DOCK9: variants seen among roughly 807,000 people sequenced by gnomAD.
The protein encoded by DOCK9 is dedicator of cytokinesis protein 9.
Under a neutral mutation model 263.3 loss-of-function variants are expected in DOCK9, and 89 were observed. That is an observed-to-expected ratio of 0.34 (90% CI 0.28 to 0.40). The LOEUF (loss-of-function observed/expected upper bound fraction) is 0.40. Among genes scored for constraint, DOCK9 ranks in the 10% least tolerant of loss-of-function variants. The probability of loss-of-function intolerance (pLI) is 1.00; values close to 1 mark genes in which losing one functional copy is unlikely to be tolerated. For synonymous variants in DOCK9, 976 were observed against 973.1 expected (o/e 1.00, Z -0.06); for missense variants, 2,140 against 2,603.4 (o/e 0.82, Z 3.87).
At chr13:98,996,342 T>A (rs1881027454) in intron 1 of DOCK9, among the ~76,000 whole-genome samples, 1 of 152,220 alleles carries the variant, frequency 6.6e-6, no homozygotes. Flanking sequence ...CACACATCTT[T>A]TTCCAGATCC....
intron 39 of DOCK9, chr13:98,833,157 ATTCTCAACCATGAGAATTAG>A (rs1349848488): frequency 3.7e-4 from 56 of 150,466 alleles, no homozygotes; most frequent in African/African-American, 1.2e-3. Context: ...ATATGATCTA[ATTCTCAACCATGAGAATTAG>A]TTCTCAACCA....
At chr13:98,850,403 TAAATA>T (rs1167860501) in intron 35 of DOCK9, among the ~76,000 whole-genome samples, 3 of 152,238 alleles carry the variant, frequency 2.0e-5, no homozygotes, top group African/African-American at 7.2e-5. Context: ...AACATGCTCT[TAAATA>T]GACTAGAAAA....
chr13:98,902,759 T>C (rs1048841319), intron 11 of DOCK9, among the ~76,000 whole-genome samples: 1 of 152,244 alleles, frequency 6.6e-6, no homozygotes, highest in Admixed American at 6.5e-5. Context: ...AGATGAACTC[T>C]GTCTCCTGGA....
At chr13:98,866,640 T>A (rs1255030275) in intron 30 of DOCK9, among the ~76,000 whole-genome samples, 1 of 152,178 alleles carries the variant, frequency 6.6e-6, no homozygotes, top group Non-Finnish European at 1.5e-5. Flanking sequence ...AGCTCAACTC[T>A]CTTCAAACGT....
intron 41 of DOCK9, among the ~76,000 whole-genome samples, chr13:98,830,116 T>C (rs1255157284): frequency 6.6e-6 from 1 of 152,208 alleles, no homozygotes; most frequent in Non-Finnish European, 1.5e-5. Context: ...AGTTTGAACT[T>C]AAATGTATTA....
rs147447119 is a variant in DOCK9, at chr13:98,801,861, G to A, written c.5726-1383C>T. 3.0e-3 allele frequency among the ~76,000 whole-genome samples: 459 copies of A among 152,282 alleles called. 5 individuals are homozygous for A. Among genetic ancestry groups the A allele is most frequent in the African/African-American group, 0.011 (438 of 41,562 alleles). On this transcript the variant is annotated intron_variant, in intron 49 of 52. Coordinates refer to ENST00000682017, the MANE Select transcript of DOCK9 (RefSeq NM_001366683.2). Reference sequence around the variant, plus strand: ...GGCCACCCAACATCTGGACAAAAGCGGAAAACATGTCCACCCTGAGGCAAC... The same window carrying A: ...GGCCACCCAACATCTGGACAAAAGCAGAAAACATGTCCACCCTGAGGCAAC...
intron 1 of DOCK9, among the ~76,000 whole-genome samples, chr13:99,032,185 T>G (rs936726447): frequency 1.3e-5 from 2 of 152,062 alleles, no homozygotes; most frequent in Non-Finnish European, 2.9e-5. Context: ...TAAAACTGAT[T>G]CCAGGCTGGG....
intron 1 of DOCK9, among the ~76,000 whole-genome samples, chr13:98,995,780 G>A (rs149975167): frequency 2.4e-4 from 37 of 152,188 alleles, no homozygotes; most frequent in African/African-American, 7.0e-4. Flanking sequence ...GAGCCACTGC[G>A]CCCGGCCGGA....
chr13:98,882,012 G>C lies in DOCK9; in HGVS notation c.2560-5C>G, dbSNP rs749269044. 19 of 1,575,510 alleles carry C rather than the reference G, an allele frequency of 1.2e-5. No homozygotes were observed. Among genetic ancestry groups the C allele is most frequent in the Non-Finnish European group, 1.6e-5 (18 of 1,159,018 alleles). On this transcript the variant is annotated splice_polypyrimidine_tract_variant and splice_region_variant and intron_variant, in intron 23 of 52. Transcript: ENST00000682017. Reference sequence around the variant, plus strand: ...GCCTTCCATCGCATGCAGACTCTACGGACACAGAATGGCACAGTTCATGTT... The same window carrying C: ...GCCTTCCATCGCATGCAGACTCTACCGACACAGAATGGCACAGTTCATGTT...
At chr13:98,995,104 C>A (rs1334660396) in intron 1 of DOCK9, among the ~76,000 whole-genome samples, 2 of 152,212 alleles carry the variant, frequency 1.3e-5, no homozygotes, top group Non-Finnish European at 2.9e-5. Context: ...TAGATAGACA[C>A]ATGTGCAGGC....
At chr13:99,039,133 G>C (rs1888223549) in intron 1 of DOCK9, among the ~76,000 whole-genome samples, 1 of 152,240 alleles carries the variant, frequency 6.6e-6, no homozygotes, top group Non-Finnish European at 1.5e-5. Context: ...ATTTTTTAAG[G>C]CACTATTCTA....
intron 1 of DOCK9, among the ~76,000 whole-genome samples, chr13:98,961,660 C>A (rs1413114111): frequency 6.6e-6 from 1 of 151,834 alleles, no homozygotes; most frequent in Non-Finnish European, 1.5e-5. Context: ...AAACACTCAG[C>A]TCCACTATCA....
intron 1 of DOCK9, among the ~76,000 whole-genome samples, chr13:99,049,636 A>C (rs1007795167): frequency 6.6e-6 from 1 of 151,944 alleles, no homozygotes; most frequent in Admixed American, 6.6e-5. Flanking sequence ...CCTGCCTCCC[A>C]CCCACATAGC....
intron 2 of DOCK9, among the ~76,000 whole-genome samples, chr13:98,948,385 T>C (rs1443807206): frequency 6.6e-6 from 1 of 152,188 alleles, no homozygotes; most frequent in Non-Finnish European, 1.5e-5. Flanking sequence ...AAGACATTTA[T>C]ATAGGTAATA....
At chr13:99,073,529 G>T (rs922000760) in intron 1 of DOCK9, among the ~76,000 whole-genome samples, 4 of 152,080 alleles carry the variant, frequency 2.6e-5, no homozygotes, top group Non-Finnish European at 4.4e-5. Context: ...CCAGAAAAAG[G>T]GTTCTCCTTG....
rs552808694 is a variant in DOCK9 at position 98,941,843 on chromosome 13, C to A, written c.244-11586G>T. On this transcript the variant is annotated intron_variant, in intron 2 of 52. Transcript: ENST00000682017. ...GAGGCTGTAATAAGCTCCCTAGTAACCTGGCGTCTGCCAAGCAATGGAAGG... is the reference window on the plus strand; with the variant it reads ...GAGGCTGTAATAAGCTCCCTAGTAAACTGGCGTCTGCCAAGCAATGGAAGG... Among the ~76,000 whole-genome samples, 138 of 152,338 alleles carry A rather than the reference C, an allele frequency of 9.1e-4. 1 individual carries two copies. The South Asian group carries it at 0.013, about 14-fold the overall frequency.
chr13:98,865,054 GTCTTT>G (rs1257969243), intron 30 of DOCK9, among the ~76,000 whole-genome samples: 1 of 152,112 alleles, frequency 6.6e-6, no homozygotes. Flanking sequence ...CAAAATAAAT[GTCTTT>G]TCTTATTTTT....
At chr13:98,839,632 GTC>G (rs1210874203) in intron 38 of DOCK9, among the ~76,000 whole-genome samples, 2 of 152,144 alleles carry the variant, frequency 1.3e-5, no homozygotes, top group African/African-American at 4.8e-5. Flanking sequence ...CCTTTTCTTG[GTC>G]TAGATCACCA....
chr13:98,884,008 T>C, intron 21 of DOCK9, 109 bp from the exon 22 acceptor site: 1 of 770,544 alleles, frequency 1.3e-6, no homozygotes, highest in South Asian at 1.9e-5. Context: ...CCAGAGAACT[T>C]TAGTGACTTG....
Sources: allele counts gnomAD v4.1 joint callset (sites outside exome capture counted in the v4.1 genomes callset), GRCh38; gene constraint gnomAD v4.1.1; transcripts MANE v1.5; gene names NCBI Gene and HGNC (gene_info 2026-07-23, HGNC 2026-07-21).